CADM2: variants seen among roughly 807,000 people sequenced by gnomAD.
CADM2 encodes the protein cell adhesion molecule 2, also known as immunoglobulin superfamily member 4D.
In CADM2, 12 loss-of-function variants were observed where a neutral mutation model predicts 49.8. The ratio of observed to expected loss-of-function variants is 0.24; its 90% confidence interval spans 0.15 to 0.39. The LOEUF is 0.39. Ranked by LOEUF, CADM2 falls within the 10% of genes least tolerant of loss-of-function variation. CADM2 has a pLI of 1.00. For synonymous variants in CADM2, 214 were observed against 175.4 expected, an observed-to-expected ratio of 1.22 and a Z score of -1.74; for missense variants, 378 against 492.3, an observed-to-expected ratio of 0.77 and a Z score of 2.20.
intron 1 of CADM2, among the ~76,000 whole-genome samples, chr3:85,328,893 C>A: frequency 9.3e-6 from 1 of 107,794 alleles, no homozygotes. Flanking sequence ...TAAATCATGT[C>A]TTCCCTCAAA....
At chr3:85,661,516 G>T (rs897223713) in intron 1 of CADM2, among the ~76,000 whole-genome samples, 3 of 152,034 alleles carry the variant, frequency 2.0e-5, no homozygotes, top group Non-Finnish European at 4.4e-5. Context: ...CTTCTCTGAG[G>T]CAGCCAGTGG....
At chr3:85,428,594 ATAT>A (rs1389548744) in intron 1 of CADM2, among the ~76,000 whole-genome samples, 1 of 146,498 alleles carries the variant, frequency 6.8e-6, no homozygotes. Flanking sequence ...AATAAAAATA[ATAT>A]TTATTATATA....
chr3:85,731,156 A>G (rs2067916071), intron 2 of CADM2, among the ~76,000 whole-genome samples: 1 of 152,192 alleles, frequency 6.6e-6, no homozygotes, highest in African/African-American at 2.4e-5. Flanking sequence ...GACATTTGGA[A>G]TCCCAGGCTA....
intron 1 of CADM2, among the ~76,000 whole-genome samples, chr3:85,011,681 G>C (rs535917662): frequency 6.6e-6 from 1 of 151,914 alleles, no homozygotes. Flanking sequence ...AGGATCGCTC[G>C]AGCTCAGCCT....
At chr3:85,882,886 G>A (rs1270332557) in intron 3 of CADM2, among the ~76,000 whole-genome samples, 2 of 152,136 alleles carry the variant, frequency 1.3e-5, no homozygotes, top group Non-Finnish European at 2.9e-5. Flanking sequence ...TGTTGCCTTG[G>A]AAGTCCTGCA....
intron 7 of CADM2, among the ~76,000 whole-genome samples, chr3:85,941,632 C>CA (rs1721925814): frequency 6.6e-6 from 1 of 151,950 alleles, no homozygotes; most frequent in Non-Finnish European, 1.5e-5. Context: ...TAAGGTAGGA[C>CA]AAGTTTAGAT....
intron 1 of CADM2, among the ~76,000 whole-genome samples, chr3:85,103,715 G>A (rs574004203): frequency 5.3e-4 from 80 of 152,228 alleles, no homozygotes; most frequent in African/African-American, 1.9e-3. Flanking sequence ...TGGCAAGGGG[G>A]GAGGCATCCC....
chr3:85,001,852 C>A (rs989377839), intron 1 of CADM2, among the ~76,000 whole-genome samples: 5 of 151,970 alleles, frequency 3.3e-5, no homozygotes, highest in African/African-American at 1.2e-4. Flanking sequence ...TATTCTTAAT[C>A]CCACTCCTTC....
At chr3:85,347,814 GT>G (rs35677942) in intron 1 of CADM2, among the ~76,000 whole-genome samples, 60 of 146,324 alleles carry the variant, frequency 4.1e-4, no homozygotes, top group Admixed American at 8.2e-4. Flanking sequence ...CCAGTTTTTT[GT>G]TTTTTTTTTT....
chr3:86,061,812 G>T (rs2107401159), intron 8 of CADM2, among the ~76,000 whole-genome samples: 1 of 152,136 alleles, frequency 6.6e-6, no homozygotes, highest in East Asian at 1.9e-4. Flanking sequence ...CAAAAGTAAT[G>T]AATTAAAATA....
chr3:85,020,785 G>T (rs1034990426), intron 1 of CADM2, among the ~76,000 whole-genome samples: 24 of 149,196 alleles, frequency 1.6e-4, no homozygotes, highest in East Asian at 1.4e-3. Flanking sequence ...GTGTGTAGGG[G>T]GTGTGTGTGT....
At chr3:85,806,768 C>G (rs1443717783) in intron 3 of CADM2, among the ~76,000 whole-genome samples, 1 of 151,670 alleles carries the variant, frequency 6.6e-6, no homozygotes, top group East Asian at 1.9e-4. Flanking sequence ...ACAAACAAAA[C>G]AAACAAAAAG....
At chr3:85,321,582 A>G (rs184473870) in intron 1 of CADM2, among the ~76,000 whole-genome samples, 2 of 152,148 alleles carry the variant, frequency 1.3e-5, no homozygotes, top group African/African-American at 4.8e-5. Context: ...GTTGTTCTCA[A>G]TATCACTTTT....
chr3:85,102,536 T>C (rs1017687542), intron 1 of CADM2, among the ~76,000 whole-genome samples: 2 of 152,130 alleles, frequency 1.3e-5, no homozygotes, highest in African/African-American at 4.8e-5. Flanking sequence ...GGACCAATGC[T>C]CTTTCCTGAT....
chr3:85,859,297 C>A (rs188174758), intron 3 of CADM2, among the ~76,000 whole-genome samples: 5 of 119,052 alleles, frequency 4.2e-5, no homozygotes, highest in South Asian at 2.8e-4. Flanking sequence ...GTGGTGCGAT[C>A]TTGGCTCACT....
At position 84,995,478 on chromosome 3, in the gene CADM2, A is replaced by C. The variant is rs143241067; in HGVS notation, c.61+35810A>C. 1.2e-3 allele frequency among the ~76,000 whole-genome samples: 182 copies of C among 152,336 alleles called. 1 individual carries two copies. The highest frequency in any genetic ancestry group is 4.1e-3 in the African/African-American group (171 of 41,588). ...TCATTTCGCAACCACACTATAACGGAAAGAAGCTTTAATTTGGATTTGATA... is the reference window on the plus strand; with the variant it reads ...TCATTTCGCAACCACACTATAACGGCAAGAAGCTTTAATTTGGATTTGATA... On this transcript the variant is annotated intron_variant, in intron 1 of 9. Transcript: ENST00000383699.
At chr3:85,543,420 A>ATGTGTGTGGGTGTGTGTGTG (rs372108050) in intron 1 of CADM2, among the ~76,000 whole-genome samples, 3,955 of 129,604 alleles carry the variant, frequency 0.031, 131 homozygotes, top group Non-Finnish European at 0.042. Context: ...TGCCAAGCTA[A>ATGTGTGTGGGTGTGTGTGTG]TGTGTGTGTG....
At chr3:85,821,437 A>G (rs911427849) in intron 3 of CADM2, among the ~76,000 whole-genome samples, 2 of 152,310 alleles carry the variant, frequency 1.3e-5, no homozygotes, top group East Asian at 1.9e-4. Flanking sequence ...ACTCTTATTC[A>G]TATCACTGAA....
At chr3:85,232,437 G>A (rs970672276) in intron 1 of CADM2, among the ~76,000 whole-genome samples, 2 of 151,764 alleles carry the variant, frequency 1.3e-5, no homozygotes, top group African/African-American at 4.8e-5. Context: ...TCTTCTTTTT[G>A]TACTCCTTTG....
Sources: gnomAD v4.1 joint callset for allele counts (sites outside exome capture counted in the v4.1 genomes callset) on GRCh38, gnomAD v4.1.1 for gene constraint, MANE v1.5 for transcripts, NCBI Gene and HGNC (gene_info 2026-07-23, HGNC 2026-07-21) for gene names.